The following VAV3 variants were observed in gnomAD, a reference collection of about 807,000 sequenced individuals.
VAV3 encodes the protein guanine nucleotide exchange factor VAV3.
A neutral mutation model predicts 131.2 loss-of-function variants in VAV3; 94 were observed. The observed-to-expected ratio is 0.72, with a 90% CI of 0.61 to 0.85. The LOEUF (loss-of-function observed/expected upper bound fraction) is 0.85, where lower values mean the gene tolerates loss of function less well. Among genes scored for constraint, VAV3 ranks in the 40% least tolerant of loss-of-function variants. The probability of loss-of-function intolerance (pLI) is 0.00; values close to 1 mark genes in which losing one functional copy is unlikely to be tolerated. For missense variants in VAV3, 939 were observed against 1,002.7 expected (o/e 0.94, Z 0.86); for synonymous variants, 349 against 342.0 (o/e 1.02, Z -0.22).
At chr1:107,761,392 CAAAAAAA>C (rs35391183) in intron 9 of VAV3, among the ~76,000 whole-genome samples, 7 of 102,498 alleles carry the variant, frequency 6.8e-5, no homozygotes, top group East Asian at 5.9e-4. Flanking sequence ...GACTCCGTCT[CAAAAAAA>C]AAAAAAAAAA....
chr1:107,853,502 T>TGA (rs1669323972), intron 2 of VAV3, among the ~76,000 whole-genome samples: 1 of 151,944 alleles, frequency 6.6e-6, no homozygotes, highest in Non-Finnish European at 1.5e-5. Flanking sequence ...TCCATTTTCA[T>TGA]AAATGAAAAT....
chr1:107,585,404 C>T lies in VAV3; in HGVS notation c.2350+10808G>A, dbSNP rs144713344. 1.2e-4 allele frequency among the ~76,000 whole-genome samples: 19 copies of T among 152,186 alleles called. No individual in the cohort carries two copies. In the East Asian group the frequency reaches 3.7e-3, roughly 29 times the overall value. On this transcript the variant is annotated intron_variant, in intron 25 of 26. Transcript: ENST00000370056. ...AGAAACTAGAATAATCCTATTAAAACTTTAAAGACAGACCATGTTTCTCCT... is the reference window on the plus strand; with the variant it reads ...AGAAACTAGAATAATCCTATTAAAATTTTAAAGACAGACCATGTTTCTCCT...
intron 1 of VAV3, among the ~76,000 whole-genome samples, chr1:107,885,917 G>A (rs1461712523): frequency 6.6e-6 from 1 of 152,192 alleles, no homozygotes; most frequent in Non-Finnish European, 1.5e-5. Context: ...TTGAGAAAGA[G>A]AGAAACACAT....
At chr1:107,626,795 C>T (rs1654052537) in intron 20 of VAV3, among the ~76,000 whole-genome samples, 1 of 152,180 alleles carries the variant, frequency 6.6e-6, no homozygotes, top group South Asian at 2.1e-4. Flanking sequence ...GTTTATAACC[C>T]AAAGCAATGA....
intron 25 of VAV3, among the ~76,000 whole-genome samples, chr1:107,591,605 C>T (rs951139195): frequency 6.6e-6 from 1 of 152,146 alleles, no homozygotes; most frequent in Non-Finnish European, 1.5e-5. Flanking sequence ...CACTACCTCC[C>T]AATTCTTCAG....
At chr1:107,662,584 ATGGATTT>A (rs1173938528) in intron 19 of VAV3, among the ~76,000 whole-genome samples, 1 of 152,196 alleles carries the variant, frequency 6.6e-6, no homozygotes, top group East Asian at 1.9e-4. Flanking sequence ...TAAGAGTTGA[ATGGATTT>A]TATTCAAGGC....
At chr1:107,626,268 A>G (rs2101327577) in intron 20 of VAV3, among the ~76,000 whole-genome samples, 1 of 152,336 alleles carries the variant, frequency 6.6e-6, no homozygotes, top group East Asian at 1.9e-4. Flanking sequence ...GATCTATTTA[A>G]TCAAAGCCAG....
intron 2 of VAV3, among the ~76,000 whole-genome samples, chr1:107,827,418 C>T (rs1218248019): frequency 1.3e-5 from 2 of 152,078 alleles, no homozygotes; most frequent in East Asian, 3.8e-4. Context: ...CCACCTAGAT[C>T]CTATGAAGAA....
Position 107,732,949 on chromosome 1 carries a change from C to T in VAV3, c.1502+16019G>A, listed in dbSNP as rs189181518. Among the ~76,000 whole-genome samples the T allele has an allele frequency of 2.1e-3, 323 of 152,314 alleles. 2 individuals are homozygous for T. Among genetic ancestry groups the T allele is most frequent in the Non-Finnish European group, 3.6e-3 (246 of 68,014 alleles). ...ACCCCCATGTAGCCTAACTGGGAGA[C>T]ATCTCCTAGTAGGGGCTGACTGATA... On this transcript the variant is annotated intron_variant, in intron 15 of 26. Transcript: ENST00000370056.
chr1:107,694,061 C>T (rs1415615262), intron 17 of VAV3, among the ~76,000 whole-genome samples: 1 of 152,162 alleles, frequency 6.6e-6, no homozygotes, highest in African/African-American at 2.4e-5. Flanking sequence ...ACTGAACTCA[C>T]AGTAAACAGT....
At chr1:107,909,875 C>G (rs1289602892) in intron 1 of VAV3, among the ~76,000 whole-genome samples, 1 of 152,098 alleles carries the variant, frequency 6.6e-6, no homozygotes, top group Non-Finnish European at 1.5e-5. Context: ...ATAATATTTT[C>G]TTTCAACTAT....
At chr1:107,649,570 T>G (rs1487247312) in intron 19 of VAV3, among the ~76,000 whole-genome samples, 1 of 152,040 alleles carries the variant, frequency 6.6e-6, no homozygotes, top group Non-Finnish European at 1.5e-5. Context: ...GCTTTTTTTT[T>G]GTTGTTGTTA....
chr1:107,869,728 G>A (rs1338167308), intron 2 of VAV3, among the ~76,000 whole-genome samples: 4 of 152,282 alleles, frequency 2.6e-5, no homozygotes, highest in Non-Finnish European at 4.4e-5. Flanking sequence ...GGTGATCTGA[G>A]ATTTTGGTGC....
intron 2 of VAV3, among the ~76,000 whole-genome samples, chr1:107,803,935 C>T (rs1218019090): frequency 6.6e-6 from 1 of 151,846 alleles, no homozygotes; most frequent in Non-Finnish European, 1.5e-5. Flanking sequence ...GTGTTGGATG[C>T]ATATTTATAA....
intron 20 of VAV3, among the ~76,000 whole-genome samples, chr1:107,622,232 T>C (rs557467543): frequency 6.6e-6 from 1 of 152,310 alleles, no homozygotes; most frequent in South Asian, 2.1e-4. Context: ...AGGTTTTAAC[T>C]ATTCTTCATT....
chr1:107,755,576 T>G, intron 11 of VAV3, 63 bp from the exon 12 acceptor site: 1 of 1,210,248 alleles, frequency 8.3e-7, no homozygotes, highest in East Asian at 2.4e-5. Context: ...CAAACTGCTT[T>G]GAAAGAAAAC....
intron 2 of VAV3, among the ~76,000 whole-genome samples, chr1:107,866,114 A>C (rs28722824): frequency 6.6e-6 from 1 of 152,166 alleles, no homozygotes; most frequent in East Asian, 1.9e-4. Flanking sequence ...CTAAAGTCCT[A>C]GGATCAAGGT....
chr1:107,817,678 G>A (rs529952380), intron 2 of VAV3, among the ~76,000 whole-genome samples: 5 of 152,234 alleles, frequency 3.3e-5, no homozygotes, highest in Admixed American at 6.5e-5. Context: ...TAGGCAGGGG[G>A]GTGAGGAGGC....
chr1:107,921,176 T>G (rs1672882355), intron 1 of VAV3, among the ~76,000 whole-genome samples: 1 of 152,138 alleles, frequency 6.6e-6, no homozygotes, highest in South Asian at 2.1e-4. Context: ...TCCCATCCGC[T>G]CTCTCATCGC....
Sources: gnomAD v4.1 joint callset for allele counts (sites outside exome capture counted in the v4.1 genomes callset) on GRCh38, gnomAD v4.1.1 for gene constraint, MANE v1.5 for transcripts, NCBI Gene and HGNC (gene_info 2026-07-23, HGNC 2026-07-21) for gene names.